The following BPTF variants were observed in gnomAD, a reference collection of about 807,000 sequenced individuals.
The protein encoded by BPTF is bromodomain PHD finger transcription factor, also known as nucleosome-remodeling factor subunit BPTF.
BPTF carries 18 observed loss-of-function variants against 292.5 expected under a neutral mutation model. That is an observed-to-expected ratio of 0.06 (90% confidence interval 0.04 to 0.09). BPTF has a LOEUF of 0.09. BPTF is among the 10% of genes least tolerant of loss of function. The probability of loss-of-function intolerance (pLI) is 1.00; values close to 1 mark genes in which losing one functional copy is unlikely to be tolerated. For missense variants in BPTF, 2,726 were observed against 3,498.7 expected, an observed-to-expected ratio of 0.78 and a Z score of 5.57; for synonymous variants, 1,225 against 1,251.9, an observed-to-expected ratio of 0.98 and a Z score of 0.45.
At chr17:67,908,706 T>C (rs570351222) in intron 9 of BPTF, among the ~76,000 whole-genome samples, 1 of 150,896 alleles carries the variant, frequency 6.6e-6, no homozygotes, top group Admixed American at 6.6e-5. Context: ...GCTAGGCTGG[T>C]CTTGAACTCC....
At chr17:67,943,810 A>T (rs1263451567) in intron 19 of BPTF, among the ~76,000 whole-genome samples, 6 of 152,238 alleles carry the variant, frequency 3.9e-5, no homozygotes, top group Admixed American at 2.0e-4. Flanking sequence ...AAATATGAAT[A>T]TAAGATTATT....
chr17:67,849,787 A>G (rs2058274119), intron 1 of BPTF, among the ~76,000 whole-genome samples: 1 of 152,078 alleles, frequency 6.6e-6, no homozygotes, highest in African/African-American at 2.4e-5. Flanking sequence ...AAAATACAAA[A>G]AAAATTAGCC....
At chr17:67,902,477 G>A (rs1046757725) in intron 7 of BPTF, among the ~76,000 whole-genome samples, 9 of 152,186 alleles carry the variant, frequency 5.9e-5, no homozygotes, top group South Asian at 2.1e-4. Flanking sequence ...AGTTCCAAGC[G>A]TGTTGGCAGA....
chr17:67,906,119 G>A (rs2062175259), intron 9 of BPTF, among the ~76,000 whole-genome samples: 1 of 151,978 alleles, frequency 6.6e-6, no homozygotes, highest in South Asian at 2.1e-4. Context: ...GTCTTGCTCT[G>A]TCACCAGGCT....
At chr17:67,905,270 T>C (rs2062099982) in intron 9 of BPTF, among the ~76,000 whole-genome samples, 1 of 151,832 alleles carries the variant, frequency 6.6e-6, no homozygotes, top group African/African-American at 2.4e-5. Context: ...TTGCTGGGTG[T>C]GCTGGTACAC....
chr17:67,928,346 C>T lies in BPTF; in HGVS notation c.5752-9C>T. 1 of 1,594,576 alleles carries T rather than the reference C, an allele frequency of 6.3e-7. No individual in the cohort carries two copies. ...TTTGATTCATGTTTCCTCTCCTTCACTTTTTTAGAAACGACTGGAGCAGCA... is the reference window on the plus strand; with the variant it reads ...TTTGATTCATGTTTCCTCTCCTTCATTTTTTTAGAAACGACTGGAGCAGCA... On this transcript the variant is annotated splice_polypyrimidine_tract_variant and intron_variant, in intron 15 of 27. Transcript: ENST00000306378.
chr17:67,971,111 A>G (rs1555690562), intron 26 of BPTF, among the ~76,000 whole-genome samples: 1 of 150,532 alleles, frequency 6.6e-6, no homozygotes, highest in African/African-American at 2.4e-5. Flanking sequence ...GTTTTTTGAG[A>G]TGGACCGCCC....
At chr17:67,959,113 G>A (rs971699941) in intron 23 of BPTF, among the ~76,000 whole-genome samples, 30 of 152,134 alleles carry the variant, frequency 2.0e-4, no homozygotes, top group African/African-American at 7.2e-4. Context: ...ACCACATTTT[G>A]AGTCTCAAGG....
chr17:67,871,894 C>T (rs774251387), intron 3 of BPTF, among the ~76,000 whole-genome samples: 71 of 152,024 alleles, frequency 4.7e-4, no homozygotes, highest in Non-Finnish European at 7.9e-4. Context: ...GGCATGATCT[C>T]GGCTCACTGC....
rs113846643 is a variant in BPTF at position 67,852,243 on chromosome 17, A to G, written c.614-1697A>G. Among the ~76,000 whole-genome samples, 586 of 152,238 alleles carry G rather than the reference A, an allele frequency of 3.8e-3. 6 individuals carry two copies. The highest frequency in any genetic ancestry group is 0.013 in the African/African-American group (547 of 41,554). On this transcript the variant is annotated intron_variant, in intron 1 of 27. Transcript: ENST00000306378. ...GCAGCATCATTTTATTGATTTGAGT[A>G]TTAATATTTTTATATTTTTATAGAT... is the stretch of plus-strand genomic sequence containing the variant.
In BPTF at chr17:67,825,923, C is replaced by T; in HGVS notation, c.199C>T (p.Pro67Ser). ...GGCGCCCAAGACGCGGCTGAGCTCG[C>T]CCAGGGGGGGCAGCAGTAGCCGGAG... Reference protein sequence around the residue: ...EVAPKTRLSSPRGGSSSRRKP... With the variant: ...EVAPKTRLSSSRGGSSSRRKP... Residue 67 changes from proline (P) to serine (S), a missense_variant, in exon 1 of 28, where the codon CCC becomes TCC. By Grantham distance (74) the Pro-to-Ser change is moderately conservative (BLOSUM62 -1). Transcript: ENST00000306378. The T allele has an allele frequency of 9.8e-7, 1 of 1,015,446 alleles. No homozygotes were observed. Among genetic ancestry groups the T allele is most frequent in the Non-Finnish European group, 1.2e-6 (1 of 851,342 alleles). The allele number at this position is 1,015,446 out of a possible 1,614,324, so 62.9% of individuals were successfully genotyped here. A position where few individuals can be genotyped will look rare whatever the true frequency, so the allele number is the denominator to read the frequency against.
intron 3 of BPTF, among the ~76,000 whole-genome samples, chr17:67,870,384 G>A (rs1444221858): frequency 6.6e-6 from 1 of 151,874 alleles, no homozygotes; most frequent in Non-Finnish European, 1.5e-5. Context: ...GCCTCCTGTG[G>A]GCCAGGTGCT....
At chr17:67,870,930 C>T (rs112854398) in intron 3 of BPTF, among the ~76,000 whole-genome samples, 10,913 of 151,228 alleles carry the variant, frequency 0.072, 554 homozygotes, top group Middle Eastern at 0.12. Context: ...CCACTACGCC[C>T]GGCTAATTTT....
chr17:67,960,249 C>T (rs903453797), intron 24 of BPTF: 12 of 160,404 alleles, frequency 7.5e-5, no homozygotes, highest in East Asian at 1.8e-4. Context: ...CAAAGCCCTG[C>T]GAATACATGA....
In BPTF at chr17:67,982,702, G is replaced by C. The variant is rs2070558536; in HGVS notation, c.*414G>C. On this transcript the variant is annotated 3_prime_UTR_variant, in exon 28 of 28. Transcript: ENST00000306378. ...ATTTATTTATTGTTGCAAAAAAGAC[G>C]CTTTTTTATTGCTGCCCTCATTTGT... The C allele has an allele frequency of 6.4e-6, 1 of 155,346 alleles. No homozygotes were observed. The highest frequency in any genetic ancestry group is 2.1e-4 in the South Asian group (1 of 4,878). 9.6% of individuals were successfully genotyped at this position (155,346 alleles called of 1,614,324 possible). A position where few individuals can be genotyped will look rare whatever the true frequency, so the allele number is the denominator to read the frequency against.
At chr17:67,890,928 C>G (rs1195047757) in intron 4 of BPTF, among the ~76,000 whole-genome samples, 2 of 152,054 alleles carry the variant, frequency 1.3e-5, no homozygotes, top group Non-Finnish European at 2.9e-5. Context: ...ATTCAACTAT[C>G]TGGTCAATGG....
intron 27 of BPTF, chr17:67,981,698 T>A: frequency 1.0e-6 from 1 of 988,954 alleles, no homozygotes; most frequent in Non-Finnish European, 1.2e-6. Context: ...TTTGACTTAG[T>A]CCTGGTAACT....
chr17:67,829,358 TA>T (rs979947126), intron 1 of BPTF, among the ~76,000 whole-genome samples: 3 of 150,738 alleles, frequency 2.0e-5, no homozygotes, highest in South Asian at 2.1e-4. Flanking sequence ...TTATCTCTTC[TA>T]AAAAAAAACG....
chr17:67,873,992 C>CTGGA (rs34261763), intron 3 of BPTF, among the ~76,000 whole-genome samples: 31,067 of 150,310 alleles, frequency 0.21, 3,916 homozygotes, highest in East Asian at 0.65. Flanking sequence ...TAAGAAAATG[C>CTGGA]TGGATGGATG....
Sources: allele counts gnomAD v4.1 joint callset (sites outside exome capture counted in the v4.1 genomes callset), GRCh38; gene constraint gnomAD v4.1.1; transcripts MANE v1.5; gene names NCBI Gene and HGNC (gene_info 2026-07-23, HGNC 2026-07-21).